The following GLYATL1B variants were observed in gnomAD, a reference collection of about 807,000 sequenced individuals.
The protein encoded by GLYATL1B is glycine-N-acyltransferase like 1B.
A neutral mutation model predicts 5.5 loss-of-function variants in GLYATL1B; 6 were observed. The observed-to-expected ratio is 1.09, with a 90% CI of 0.60 to 2.15. The LOEUF is 2.15. GLYATL1B is among the 30% of genes most tolerant of loss of function. The pLI is 0.00. For missense variants in GLYATL1B, 135 were observed against 94.1 expected (o/e 1.43, Z -1.80); for synonymous variants, 67 against 34.9 (o/e 1.92, Z -3.24).
At chr11:59,088,185 G>A (rs1859231310) in intron 2 of GLYATL1B, among the ~76,000 whole-genome samples, 1 of 152,088 alleles carries the variant, frequency 6.6e-6, no homozygotes, top group Non-Finnish European at 1.5e-5. Context: ...GATTACACAA[G>A]GTTTAAATGA....
chr11:59,093,122 G>A (rs972109117), intron 2 of GLYATL1B, among the ~76,000 whole-genome samples: 16 of 152,306 alleles, frequency 1.1e-4, no homozygotes, highest in African/African-American at 3.9e-4. Context: ...GGAGGTGAGA[G>A]AAGCAGGGAG....
At position 59,089,045 on chromosome 11, in the gene GLYATL1B, C is replaced by T. The variant is rs1859252276; in HGVS notation, c.186+1874C>T. Among the ~76,000 whole-genome samples, 3 of 152,286 alleles carry T rather than the reference C, an allele frequency of 2.0e-5. No individual in the cohort carries two copies. In the East Asian group the frequency reaches 5.8e-4, roughly 29 times the overall value. ...CCTCTCACCTCTTTGCCCTCCTCTC[C>T]TCCATTCCTACCCTTTGGGGTAATC... is the stretch of plus-strand genomic sequence containing the variant. On this transcript the variant is annotated intron_variant, in intron 2 of 4. Coordinates refer to ENST00000527482, the MANE Select transcript of GLYATL1B (RefSeq NM_001355566.1).
rs375212338 is a variant in GLYATL1B, at chr11:59,093,826, G to A, written c.314-108G>A. The A allele has an allele frequency of 1.6e-3, 772 of 475,586 alleles. 20 individuals carry two copies. The South Asian group carries it at 0.044, about 27-fold the overall frequency. The allele number at this position is 475,586 out of a possible 1,614,324, so 29.5% of individuals were successfully genotyped here. ...GCCAAGGACTATAGCTGATTGTGGT[G>A]TAAACTCAACTTTGAGAACTACTAA... On this transcript the variant is annotated intron_variant, in intron 3 of 4. Transcript: ENST00000527482.
chr11:59,090,993 G>C (rs992355811), intron 2 of GLYATL1B, among the ~76,000 whole-genome samples: 2 of 152,094 alleles, frequency 1.3e-5, no homozygotes, highest in African/African-American at 4.8e-5. Context: ...TAGATTTTAT[G>C]TTATTTCATT....
At chr11:59,091,598 T>C (rs1232311135) in intron 2 of GLYATL1B, among the ~76,000 whole-genome samples, 1 of 152,212 alleles carries the variant, frequency 6.6e-6, no homozygotes, top group Admixed American at 6.5e-5. Context: ...GATATTTGAT[T>C]TTCTGTTACA....
In GLYATL1B at chr11:59,094,357, T is replaced by C. The variant is rs1859385115; in HGVS notation, c.492-12T>C. ...GGATGAAAGTTGTTGTCTTTCTTTTTGTTTTCTACAGCGAGACTCCGAACT... is the reference window on the plus strand; with the variant it reads ...GGATGAAAGTTGTTGTCTTTCTTTTCGTTTTCTACAGCGAGACTCCGAACT... On this transcript the variant is annotated splice_polypyrimidine_tract_variant and intron_variant, in intron 4 of 4. Coordinates refer to ENST00000527482, the MANE Select transcript of GLYATL1B (RefSeq NM_001355566.1). 2.0e-6 allele frequency: 1 copy of C among 505,810 alleles called. No individual in the cohort carries two copies. Among genetic ancestry groups the C allele is most frequent in the Non-Finnish European group, 3.6e-6 (1 of 279,524 alleles). The allele number at this position is 505,810 out of a possible 1,614,324, so 31.3% of individuals were successfully genotyped here. A position where few individuals can be genotyped will look rare whatever the true frequency, so the allele number is the denominator to read the frequency against.
Position 59,094,709 on chromosome 11 carries a change from A to C in GLYATL1B, c.832A>C (p.Ser278Arg). The C allele has an allele frequency of 4.4e-6, 2 of 458,004 alleles. No homozygotes were observed. The highest frequency in any genetic ancestry group is 7.9e-6 in the Non-Finnish European group (2 of 252,100). The allele number at this position is 458,004 out of a possible 1,614,324, so 28.4% of individuals were successfully genotyped here. Residue 278 changes from serine (S) to arginine (R), a missense_variant, in exon 5 of 5, where the codon AGT (serine) becomes CGT (arginine). Coordinates refer to ENST00000527482, the MANE Select transcript of GLYATL1B (RefSeq NM_001355566.1). ...EENQGVIRKT[S>R]ALGFLEASCQ... Reference sequence around the variant, plus strand: ...AAATCAAGGCGTCATCAGAAAGACTAGTGCACTAGGTTTCCTTGAGGCCTC... The same window carrying C: ...AAATCAAGGCGTCATCAGAAAGACTCGTGCACTAGGTTTCCTTGAGGCCTC...
chr11:59,092,700 A>T (rs1469429051), intron 2 of GLYATL1B, among the ~76,000 whole-genome samples: 2 of 152,222 alleles, frequency 1.3e-5, no homozygotes, highest in East Asian at 3.8e-4. Flanking sequence ...GAATGAGATC[A>T]CAAGTATCTT....
chr11:59,089,828 C>A lies in GLYATL1B; in HGVS notation c.186+2657C>A, dbSNP rs1025335311. Among the ~76,000 whole-genome samples, 7 of 152,158 alleles carry A rather than the reference C, an allele frequency of 4.6e-5. No individual in the cohort carries two copies. The East Asian group carries it at 1.4e-3, about 29-fold the overall frequency. Reference sequence around the variant, plus strand: ...AAGCAATTTTTAATTTTCATGTAATCAAATATATTATCTTTTTCACTATGA... The same window carrying A: ...AAGCAATTTTTAATTTTCATGTAATAAAATATATTATCTTTTTCACTATGA... On this transcript the variant is annotated intron_variant, in intron 2 of 4. Coordinates refer to ENST00000527482, the MANE Select transcript of GLYATL1B (RefSeq NM_001355566.1).
chr11:59,092,568 A>G (rs1859337861), intron 2 of GLYATL1B, among the ~76,000 whole-genome samples: 2 of 152,006 alleles, frequency 1.3e-5, no homozygotes, highest in Non-Finnish European at 2.9e-5. Flanking sequence ...TTTCTCTTTT[A>G]CTCCTTAACA....
chr11:59,088,224 A>G (rs1462240875), intron 2 of GLYATL1B, among the ~76,000 whole-genome samples: 1 of 152,242 alleles, frequency 6.6e-6, no homozygotes, highest in Non-Finnish European at 1.5e-5. Flanking sequence ...CTTAGTATAT[A>G]GCACATAATT....
chr11:59,091,954 C>G (rs1859321535), intron 2 of GLYATL1B, among the ~76,000 whole-genome samples: 1 of 152,182 alleles, frequency 6.6e-6, no homozygotes, highest in Non-Finnish European at 1.5e-5. Flanking sequence ...GTCCACTTTT[C>G]AAATGGTAGA....
chr11:59,088,945 G>T (rs1173526415), intron 2 of GLYATL1B, among the ~76,000 whole-genome samples: 1 of 152,060 alleles, frequency 6.6e-6, no homozygotes, highest in Admixed American at 6.6e-5. Flanking sequence ...TTTCTTTGTT[G>T]GTTCCTAATC....
chr11:59,091,954 C>A (rs1859321535), intron 2 of GLYATL1B, among the ~76,000 whole-genome samples: 1 of 152,182 alleles, frequency 6.6e-6, no homozygotes, highest in Non-Finnish European at 1.5e-5. Context: ...GTCCACTTTT[C>A]AAATGGTAGA....
At chr11:59,094,185 T>G (rs569107542) in intron 4 of GLYATL1B, 74 bp downstream of exon 4, 1 of 529,274 alleles carries the variant, frequency 1.9e-6, no homozygotes, top group African/African-American at 2.0e-5. Flanking sequence ...AAATCAGTTT[T>G]GGAATGAAGA....
intron 2 of GLYATL1B, among the ~76,000 whole-genome samples, chr11:59,091,378 T>C (rs1859306392): frequency 6.6e-6 from 1 of 152,232 alleles, no homozygotes; most frequent in African/African-American, 2.4e-5. Context: ...AGGGGGTACA[T>C]GTGCATATTT....
chr11:59,090,496 A>AT (rs1590872147), intron 2 of GLYATL1B, among the ~76,000 whole-genome samples: 1 of 151,832 alleles, frequency 6.6e-6, no homozygotes, highest in African/African-American at 2.4e-5. Context: ...AAACTACGTG[A>AT]TTTTTCCATT....
intron 2 of GLYATL1B, among the ~76,000 whole-genome samples, chr11:59,092,425 T>A (rs1859334757): frequency 6.6e-6 from 1 of 152,238 alleles, no homozygotes; most frequent in African/African-American, 2.4e-5. Flanking sequence ...AGTCATTCTT[T>A]TAAAATCCGG....
At chr11:59,092,412 TTCAG>T (rs1324593088) in intron 2 of GLYATL1B, among the ~76,000 whole-genome samples, 1 of 152,208 alleles carries the variant, frequency 6.6e-6, no homozygotes, top group African/African-American at 2.4e-5. Context: ...CTTGGCTATG[TTCAG>T]TCATTCTTTT....
Sources: allele counts gnomAD v4.1 joint callset (sites outside exome capture counted in the v4.1 genomes callset), GRCh38; gene constraint gnomAD v4.1.1; transcripts MANE v1.5; gene names NCBI Gene and HGNC (gene_info 2026-07-23, HGNC 2026-07-21).